Variants in L3MBTL1 observed in about 807,000 individuals in gnomAD.
L3MBTL1 encodes lethal(3)malignant brain tumor-like protein 1.
In L3MBTL1, 75 loss-of-function variants were observed where a neutral mutation model predicts 105.3. The ratio of observed to expected loss-of-function variants is 0.71; its 90% CI spans 0.59 to 0.86. L3MBTL1 has a LOEUF of 0.86. L3MBTL1 is among the 40% of genes least tolerant of loss of function. The pLI, the probability that L3MBTL1 is intolerant of heterozygous loss-of-function variation, is 0.00. For missense variants in L3MBTL1, 1,069 were observed against 1,126.4 expected (o/e 0.95, Z 0.73); for synonymous variants, 452 against 436.2 (o/e 1.04, Z -0.45).
At chr20:43,530,969 C>A in intron 11 of L3MBTL1, 80 bp downstream of exon 11, 1 of 1,117,576 alleles carries the variant, frequency 8.9e-7, no homozygotes, top group Non-Finnish European at 1.3e-6. Context: ...TCTGACTCAT[C>A]AGAAGGGAGC....
chr20:43,535,692 G>A, intron 16 of L3MBTL1, 145 bp from the exon 17 acceptor site: 1 of 593,784 alleles, frequency 1.7e-6, no homozygotes, highest in Non-Finnish European at 3.0e-6. Context: ...CAGTAACACA[G>A]AATGGTGTCA....
In L3MBTL1 at chr20:43,530,899, CCT is replaced by C; in HGVS notation, c.1284+11_1284+12del. 4.3e-6 allele frequency: 7 copies of C among 1,609,904 alleles called. No individual in the cohort carries two copies. Among genetic ancestry groups the C allele is most frequent in the Non-Finnish European group, 5.9e-6 (7 of 1,177,588 alleles). On this transcript the variant is annotated intron_variant, in intron 11 of 21. Transcript: ENST00000418998. Reference sequence around the variant, plus strand: ...TGTGAGCCAGAGCCACGTGAGTGCCCCTGAGTGAGAGTGGATGTCACTCCCAT... The same window carrying C: ...TGTGAGCCAGAGCCACGTGAGTGCCCGAGTGAGAGTGGATGTCACTCCCAT...
intron 9 of L3MBTL1, 103 bp downstream of exon 9, chr20:43,529,471 C>T: frequency 1.2e-6 from 1 of 801,384 alleles, no homozygotes. Flanking sequence ...CCTCAGAGCA[C>T]ACACAATCTA....
intron 18 of L3MBTL1, among the ~76,000 whole-genome samples, chr20:43,547,601 C>T (rs1978703552): frequency 6.6e-6 from 1 of 152,142 alleles, no homozygotes. Flanking sequence ...CTCTGTCTCC[C>T]CCTGCCCCCC....
At chr20:43,536,497 G>C (rs2019638453) in intron 19 of L3MBTL1, 39 bp downstream of exon 19, 1 of 1,607,610 alleles carries the variant, frequency 6.2e-7, no homozygotes, top group East Asian at 2.2e-5. Flanking sequence ...CTCCACCACA[G>C]AGTGTTCACA....
chr20:43,510,406 CTTTTT>C, intron 1 of L3MBTL1, among the ~76,000 whole-genome samples: 1 of 127,566 alleles, frequency 7.8e-6, no homozygotes. Flanking sequence ...TTCTTTCTTT[CTTTTT>C]TTTTTTTTTT....
chr20:43,515,961 C>A, intron 6 of L3MBTL1, 132 bp from the exon 7 acceptor site: 1 of 654,182 alleles, frequency 1.5e-6, no homozygotes, highest in Non-Finnish European at 2.7e-6. Context: ...TGCTGGCGGC[C>A]TAGAAGAAAT....
chr20:43,514,970 G>A (rs1435578659), intron 4 of L3MBTL1, 39 bp from the exon 5 acceptor site: 3 of 1,603,642 alleles, frequency 1.9e-6, no homozygotes, highest in East Asian at 2.2e-5. Flanking sequence ...GTGTGGCTGC[G>A]ATGGGGAGGG....
chr20:43,534,391 AAAGGT>A lies in L3MBTL1; in HGVS notation c.1708_1710+2del, dbSNP rs2019499505. On this transcript the variant is annotated splice_donor_variant and coding_sequence_variant, in exon 15 of 22. Coordinates refer to ENST00000418998, the MANE Select transcript of L3MBTL1 (RefSeq NM_001377303.1). LOFTEE classifies it high-confidence loss of function. ...TGGAGGATGTGGAGGACCATCGGAT[AAAGGT>A]GGCTCTGGGACCCTAGGGCTGGGAA... The A allele has an allele frequency of 6.2e-7, 1 of 1,613,748 alleles. No individual in the cohort carries two copies. The highest frequency in any genetic ancestry group is 1.3e-5 in the African/African-American group (1 of 74,932).
In L3MBTL1 at chr20:43,535,821, C is replaced by A. The variant is rs1168708048; in HGVS notation, c.1826-16C>A. 6.5e-7 allele frequency: 1 copy of A among 1,547,952 alleles called. No homozygotes were observed. The stretch of plus-strand genomic sequence containing the variant: ...CCCAGGACTCCATGAGGACCGCCTC[C>A]TTTCTGCTCTTTTAGGACCCAGAGA... On this transcript the variant is annotated splice_polypyrimidine_tract_variant and intron_variant, in intron 16 of 21. Coordinates refer to ENST00000418998, the MANE Select transcript of L3MBTL1 (RefSeq NM_001377303.1).
chr20:43,534,573 A>G (rs2145469562), intron 15 of L3MBTL1, 179 bp downstream of exon 15: 1 of 622,880 alleles, frequency 1.6e-6, no homozygotes, highest in East Asian at 2.8e-5. Flanking sequence ...TTCCCTCTCT[A>G]AGCCTTACAT....
chr20:43,514,269 T>A, intron 3 of L3MBTL1: 1 of 773,778 alleles, frequency 1.3e-6, no homozygotes, highest in Non-Finnish European at 2.0e-6. Context: ...TGGCTTGGAG[T>A]GAGGCACTCT....
chr20:43,516,179 T>G lies in L3MBTL1; in HGVS notation c.862+2T>G, dbSNP rs1488443383. 1 of 1,612,110 alleles carries G rather than the reference T, an allele frequency of 6.2e-7. No homozygotes were observed. Among genetic ancestry groups the G allele is most frequent in the South Asian group, 1.1e-5 (1 of 91,032 alleles). ...AGGAGTGGAGCAGCAGCCAGCCTGG[T>G]ACGGTGGCTTGTGTGTATATATATT... On this transcript the variant is annotated splice_donor_variant, in intron 7 of 21. Transcript: ENST00000418998. LOFTEE classifies it high-confidence loss of function.
At chr20:43,519,141 A>C (rs1479507834) in intron 7 of L3MBTL1, among the ~76,000 whole-genome samples, 1 of 151,954 alleles carries the variant, frequency 6.6e-6, no homozygotes, top group Non-Finnish European at 1.5e-5. Context: ...ATTCGAGACC[A>C]GCCCAGGCAA....
At chr20:43,529,418 T>G (rs1179700457) in intron 9 of L3MBTL1, 50 bp downstream of exon 9, 2 of 1,267,854 alleles carry the variant, frequency 1.6e-6, no homozygotes, top group South Asian at 1.3e-5. Context: ...TCAGTGCAGA[T>G]TGATGGATCT....
intron 5 of L3MBTL1, 59 bp from the exon 6 acceptor site, chr20:43,515,233 G>T: frequency 6.2e-7 from 1 of 1,613,342 alleles, no homozygotes; most frequent in Non-Finnish European, 8.5e-7. Context: ...CAGGGGTTAG[G>T]AGAGGGGCTG....
chr20:43,532,296 G>C (rs1180669903), intron 11 of L3MBTL1: 1 of 154,792 alleles, frequency 6.5e-6, no homozygotes, highest in Non-Finnish European at 1.4e-5. Flanking sequence ...AATGGGAATA[G>C]GGTTGTTGTA....
At chr20:43,527,788 C>T (rs1342497082) in intron 7 of L3MBTL1, among the ~76,000 whole-genome samples, 4 of 151,362 alleles carry the variant, frequency 2.6e-5, no homozygotes, top group Non-Finnish European at 4.4e-5. Flanking sequence ...GGCATGTTCT[C>T]GGCTCACTGC....
chr20:43,545,766 G>T (rs1280665927), downstream of L3MBTL1, among the ~76,000 whole-genome samples: 1 of 152,174 alleles, frequency 6.6e-6, no homozygotes, highest in Non-Finnish European at 1.5e-5. Context: ...TCTTTTGGGG[G>T]AAAGGTTTTT....
Sources: gnomAD v4.1 joint callset for allele counts (sites outside exome capture counted in the v4.1 genomes callset) on GRCh38, gnomAD v4.1.1 for gene constraint, MANE v1.5 for transcripts, NCBI Gene and HGNC (gene_info 2026-07-23, HGNC 2026-07-21) for gene names.